Variants in AGBL1 observed in about 807,000 individuals in gnomAD.
The protein encoded by AGBL1 is AGBL carboxypeptidase 1, also known as cytosolic carboxypeptidase 4.
Under a neutral mutation model 118.9 loss-of-function variants are expected in AGBL1, and 130 were observed. That is an observed-to-expected ratio of 1.09 (90% CI 0.95 to 1.26). The LOEUF (loss-of-function observed/expected upper bound fraction) is 1.26. AGBL1 is among the 50% of genes most tolerant of loss of function. The probability of loss-of-function intolerance (pLI) is 0.00; values close to 1 mark genes in which losing one functional copy is unlikely to be tolerated. For synonymous variants in AGBL1, 555 were observed against 478.9 expected, an observed-to-expected ratio of 1.16 and a Z score of -2.08; for missense variants, 1,584 against 1,298.1, an observed-to-expected ratio of 1.22 and a Z score of -3.38.
intron 22 of AGBL1, among the ~76,000 whole-genome samples, chr15:86,676,796 G>C (rs941877149): frequency 6.6e-6 from 1 of 152,040 alleles, no homozygotes; most frequent in Non-Finnish European, 1.5e-5. Context: ...TTCTCCAAAG[G>C]TCTGCCCTAA....
Position 86,143,806 on chromosome 15 carries a change from C to T in AGBL1, c.223C>T (p.Leu75=). ...AGCTCCTCCAGACTATGACATCCTCCTGCCTCTCTTCCGGCTGCTGGCCAA... is the reference window on the plus strand; with the variant it reads ...AGCTCCTCCAGACTATGACATCCTCTTGCCTCTCTTCCGGCTGCTGGCCAA... ...RTAPPDYDIL[L]PLFRLLAKVG... Residue 75 remains leucine, a synonymous_variant, in exon 3 of 23, where the codon CTG becomes TTG. Transcript: ENST00000614907. 3 of 1,613,892 alleles carry T rather than the reference C, an allele frequency of 1.9e-6. No individual in the cohort carries two copies. The highest frequency in any genetic ancestry group is 2.5e-6 in the Non-Finnish European group (3 of 1,179,806).
chr15:86,188,815 A>G (rs1886145272), intron 5 of AGBL1, among the ~76,000 whole-genome samples: 1 of 152,178 alleles, frequency 6.6e-6, no homozygotes, highest in African/African-American at 2.4e-5. Context: ...GCAGTAAACT[A>G]TTTTCAAAGT....
At chr15:86,120,810 C>A (rs1035969517) in intron 1 of AGBL1, among the ~76,000 whole-genome samples, 3 of 152,076 alleles carry the variant, frequency 2.0e-5, no homozygotes, top group Non-Finnish European at 2.9e-5. Context: ...TGGTTTCTGC[C>A]CCAAGGATAA....
intron 19 of AGBL1, among the ~76,000 whole-genome samples, chr15:86,532,598 T>G (rs1356909110): frequency 6.9e-6 from 1 of 144,980 alleles, no homozygotes; most frequent in African/African-American, 2.6e-5. Context: ...TTCACAGAAT[T>G]GGAAAAAACT....
rs139807838 is a variant in AGBL1 at position 86,175,023 on chromosome 15, T to A, written c.488+15997T>A. Among the ~76,000 whole-genome samples the A allele has an allele frequency of 3.4e-3, 522 of 152,284 alleles. 6 individuals carry two copies. Among genetic ancestry groups the A allele is most frequent in the African/African-American group, 0.012 (497 of 41,578 alleles). On this transcript the variant is annotated intron_variant, in intron 5 of 22. Transcript: ENST00000614907. ...TTAGGGTAATGCTGGTTTTGTAGAA[T>A]GAGTTAGGAAGAATTCCCTCCTCTT...
At chr15:86,394,299 T>C (rs1243223520) in intron 17 of AGBL1, among the ~76,000 whole-genome samples, 7 of 152,172 alleles carry the variant, frequency 4.6e-5, no homozygotes. Flanking sequence ...AAGCACAGCC[T>C]TTGGCATATA....
At chr15:86,298,063 T>G (rs1044619333) in intron 17 of AGBL1, among the ~76,000 whole-genome samples, 22 of 151,578 alleles carry the variant, frequency 1.5e-4, no homozygotes, top group African/African-American at 5.3e-4. Context: ...AGCATTTTCA[T>G]GGTGAATGCT....
intron 9 of AGBL1, among the ~76,000 whole-genome samples, chr15:86,259,730 C>T (rs774452453): frequency 6.6e-6 from 1 of 152,184 alleles, no homozygotes; most frequent in South Asian, 2.1e-4. Context: ...CTATGGAGTA[C>T]GTGCTGAATT....
At chr15:86,157,102 T>C (rs2077203113) in intron 4 of AGBL1, among the ~76,000 whole-genome samples, 1 of 152,104 alleles carries the variant, frequency 6.6e-6, no homozygotes, top group African/African-American at 2.4e-5. Flanking sequence ...AATAACCTGA[T>C]TTTCATTGGT....
chr15:86,495,720 G>A (rs1428025805), intron 18 of AGBL1, among the ~76,000 whole-genome samples: 2 of 151,868 alleles, frequency 1.3e-5, no homozygotes, highest in Non-Finnish European at 2.9e-5. Context: ...GACATAGCAT[G>A]AGAACATTTT....
chr15:87,008,018 G>A (rs1416150409), intron 24 of AGBL1, among the ~76,000 whole-genome samples: 1 of 152,204 alleles, frequency 6.6e-6, no homozygotes, highest in Non-Finnish European at 1.5e-5. Context: ...TTTTTCTGGT[G>A]AGTGAAGGAG....
intron 22 of AGBL1, among the ~76,000 whole-genome samples, chr15:86,816,234 C>T (rs1372826451): frequency 2.0e-5 from 3 of 152,168 alleles, no homozygotes; most frequent in Admixed American, 1.3e-4. Flanking sequence ...AGGTCTTATT[C>T]ACAAAGGTAA....
At chr15:86,197,511 C>T (rs373530997) in intron 5 of AGBL1, among the ~76,000 whole-genome samples, 3 of 152,238 alleles carry the variant, frequency 2.0e-5, no homozygotes, top group South Asian at 4.2e-4. Flanking sequence ...AACTGGCAGG[C>T]ACTAAAATTG....
chr15:86,845,179 C>T (rs1057384346), intron 22 of AGBL1, among the ~76,000 whole-genome samples: 1 of 152,026 alleles, frequency 6.6e-6, no homozygotes, highest in African/African-American at 2.4e-5. Context: ...TATTTGTCAG[C>T]TTCTACAAAA....
chr15:87,001,571 G>A (rs6496384), intron 24 of AGBL1, among the ~76,000 whole-genome samples: 15,092 of 151,954 alleles, frequency 0.099, 1,412 homozygotes, highest in African/African-American at 0.24. Flanking sequence ...TTCCACAATG[G>A]TTGAACTAGT....
intron 18 of AGBL1, among the ~76,000 whole-genome samples, chr15:86,465,867 C>G (rs1244158037): frequency 6.6e-6 from 1 of 152,182 alleles, no homozygotes; most frequent in Non-Finnish European, 1.5e-5. Flanking sequence ...CTCTGCCTCT[C>G]TGCCCTTGTG....
chr15:86,313,839 A>T (rs2079957000), intron 17 of AGBL1, among the ~76,000 whole-genome samples: 1 of 152,226 alleles, frequency 6.6e-6, no homozygotes, highest in Non-Finnish European at 1.5e-5. Context: ...GATTATCTTT[A>T]GTTCAGAGCT....
At chr15:86,557,588 C>T (rs112872648) in intron 21 of AGBL1, among the ~76,000 whole-genome samples, 6 of 152,122 alleles carry the variant, frequency 3.9e-5, no homozygotes, top group Non-Finnish European at 1.5e-5. Flanking sequence ...TATTGTGGGA[C>T]CTTCCTGCAG....
At chr15:86,594,923 C>G (rs1014782358) in intron 21 of AGBL1, among the ~76,000 whole-genome samples, 2 of 151,476 alleles carry the variant, frequency 1.3e-5, no homozygotes, top group African/African-American at 4.8e-5. Flanking sequence ...CTAATTGTCT[C>G]CACTTTGCTA....
Sources: allele counts gnomAD v4.1 joint callset (sites outside exome capture counted in the v4.1 genomes callset), GRCh38; gene constraint gnomAD v4.1.1; transcripts MANE v1.5; gene names NCBI Gene and HGNC (gene_info 2026-07-23, HGNC 2026-07-21).